PNPLA8: variants seen among roughly 807,000 people sequenced by gnomAD.
PNPLA8 encodes the protein calcium-independent phospholipase A2-gamma.
Under a neutral mutation model 76.9 loss-of-function variants are expected in PNPLA8, and 39 were observed. The ratio of observed to expected loss-of-function variants is 0.51; its 90% CI spans 0.39 to 0.66. The LOEUF (loss-of-function observed/expected upper bound fraction) is 0.66, where lower values mean the gene tolerates loss of function less well. Among genes scored for constraint, PNPLA8 ranks in the 30% least tolerant of loss-of-function variants. The pLI is 0.00. For missense variants in PNPLA8, 887 were observed against 918.0 expected (o/e 0.97, Z 0.44); for synonymous variants, 301 against 307.9 (o/e 0.98, Z 0.24).
upstream of PNPLA8, chr7:108,526,346 A>G (rs40897): frequency 0.5 from 43,228 of 85,810 alleles, 6,453 homozygotes; most frequent in African/African-American, 0.54. Flanking sequence ...GCCGCGACAG[A>G]CGTGTGTGCG....
rs774596302 is a variant in PNPLA8, at chr7:108,515,317, A to G, written c.175T>C (p.Trp59Arg). ...CAAGAATGTGCTTCACTTTTGGTCC[A>G]TTTACATCTTATTATGTTTGTATGA... is the stretch of plus-strand genomic sequence containing the variant. ...GFHTNIIRCK[W>R]TKSEAHSCSK... The change falls in exon 3 of 11, where the codon TGG (tryptophan) becomes CGG (arginine). Residue 59 changes from tryptophan to arginine, a missense_variant. Trp to Arg is a moderately radical substitution (Grantham distance 101). Coordinates refer to ENST00000257694, the MANE Select transcript of PNPLA8 (RefSeq NM_001256007.3). 4.8e-5 allele frequency: 78 copies of G among 1,613,256 alleles called. No homozygotes were observed. Among genetic ancestry groups the G allele is most frequent in the Middle Eastern group, 1.6e-4 (1 of 6,078 alleles).
Position 108,521,541 on chromosome 7 carries a change from AT to A in PNPLA8, c.-129-21del, listed in dbSNP as rs1437184342. The A allele has an allele frequency of 1.6e-6, 1 of 608,272 alleles. No individual in the cohort carries two copies. The highest frequency in any genetic ancestry group is 6.7e-5 in the Admixed American group (1 of 14,930). The allele number at this position is 608,272 out of a possible 1,614,324, so 37.7% of individuals were successfully genotyped here. ...GACAATCTATTGAGAAATAAAACAA[AT>A]AATAAACGTAATGTATAAAGTCAGC... On this transcript the variant is annotated intron_variant, in intron 1 of 10. Transcript: ENST00000257694.
intron 5 of PNPLA8, among the ~76,000 whole-genome samples, chr7:108,502,179 G>A (rs967752856): frequency 2.0e-5 from 3 of 150,540 alleles, no homozygotes; most frequent in South Asian, 2.1e-4. Flanking sequence ...GCAGTGGCTC[G>A]CGCCTGTAAT....
intron 2 of PNPLA8, among the ~76,000 whole-genome samples, chr7:108,519,658 C>T (rs1598977655): frequency 6.6e-6 from 1 of 152,084 alleles, no homozygotes; most frequent in Admixed American, 6.5e-5. Context: ...GCTGAAGGAG[C>T]CCAGGGAATT....
intron 9 of PNPLA8, 170 bp from the exon 10 acceptor site, chr7:108,479,549 A>G (rs749837999): frequency 1.6e-6 from 1 of 633,976 alleles, no homozygotes; most frequent in Non-Finnish European, 2.8e-6. Flanking sequence ...TGGTCTCATA[A>G]AGAAACTTTT....
chr7:108,496,135 T>C (rs1343966525), intron 7 of PNPLA8, among the ~76,000 whole-genome samples: 1 of 152,070 alleles, frequency 6.6e-6, no homozygotes, highest in Non-Finnish European at 1.5e-5. Flanking sequence ...CTTGGGAGGC[T>C]GACGTGGGAG....
At chr7:108,475,004 T>C (rs1319120747) in intron 10 of PNPLA8, among the ~76,000 whole-genome samples, 1 of 152,202 alleles carries the variant, frequency 6.6e-6, no homozygotes, top group African/African-American at 2.4e-5. Flanking sequence ...TCTCCATCGC[T>C]TGCATTACTG....
intron 10 of PNPLA8, 89 bp from the exon 11 acceptor site, chr7:108,472,764 TA>T: frequency 1.1e-6 from 1 of 910,392 alleles, no homozygotes; most frequent in Non-Finnish European, 1.6e-6. Context: ...TATTTAAAAT[TA>T]ACTTCTTTTT....
intron 8 of PNPLA8, among the ~76,000 whole-genome samples, chr7:108,490,208 C>CTA (rs1861044173): frequency 6.6e-6 from 1 of 152,072 alleles, no homozygotes; most frequent in African/African-American, 2.4e-5. Flanking sequence ...AGCCTAGGAA[C>CTA]TATAGGCTAT....
chr7:108,525,326 T>C (rs1375192639), intron 1 of PNPLA8, among the ~76,000 whole-genome samples: 2 of 152,240 alleles, frequency 1.3e-5, no homozygotes, highest in Admixed American at 6.5e-5. Context: ...AGGATACAAC[T>C]GTTTTGGAAT....
intron 4 of PNPLA8, among the ~76,000 whole-genome samples, chr7:108,502,996 C>T (rs191146742): frequency 2.6e-5 from 4 of 152,132 alleles, no homozygotes; most frequent in Admixed American, 6.6e-5. Context: ...GATTAAGAGG[C>T]TAAAACTGAT....
chr7:108,492,211 C>A (rs986954014), intron 7 of PNPLA8, among the ~76,000 whole-genome samples: 1 of 152,136 alleles, frequency 6.6e-6, no homozygotes, highest in Admixed American at 6.6e-5. Flanking sequence ...ACTCATGTTT[C>A]CCAACTAGAA....
chr7:108,520,333 A>G (rs1289006252), intron 2 of PNPLA8, among the ~76,000 whole-genome samples: 1 of 152,216 alleles, frequency 6.6e-6, no homozygotes, highest in African/African-American at 2.4e-5. Flanking sequence ...ACTTGTGGAT[A>G]AAAAGCCATG....
At position 108,472,638 on chromosome 7, in the gene PNPLA8, G is replaced by A; in HGVS notation, c.2112C>T (p.Asp704=). 1 of 1,596,226 alleles carries A rather than the reference G, an allele frequency of 6.3e-7. No homozygotes were observed. The highest frequency in any genetic ancestry group is 2.2e-5 in the East Asian group (1 of 44,734). The change falls in exon 11 of 11, where the codon GAC becomes GAT. Residue 704 remains aspartate, a synonymous_variant. Coordinates refer to ENST00000257694, the MANE Select transcript of PNPLA8 (RefSeq NM_001256007.3). ...HIMLDGLLPP[D]TYFRFNPVMC... ...TTACAGGATTGAATCTAAAATAGGT[G>A]TCAGGAGGTAACAGGCCATCAAGCA... is the stretch of plus-strand genomic sequence containing the variant.
rs1330426837 is a variant in PNPLA8 at position 108,471,821 on chromosome 7, T to C, written c.*580A>G. On this transcript the variant is annotated 3_prime_UTR_variant, in exon 11 of 11. Coordinates refer to ENST00000257694, the MANE Select transcript of PNPLA8 (RefSeq NM_001256007.3). Reference sequence around the variant, plus strand: ...CAAACAATGTTAAAATAAACATATCTGAATAGAAAACTGTATCTGGTTCTT... The same window carrying C: ...CAAACAATGTTAAAATAAACATATCCGAATAGAAAACTGTATCTGGTTCTT... 1 of 152,196 alleles carries C rather than the reference T, an allele frequency of 6.6e-6. No individual in the cohort carries two copies. The highest frequency in any genetic ancestry group is 1.5e-5 in the Non-Finnish European group (1 of 68,032). 9.4% of individuals were successfully genotyped at this position (152,196 alleles called of 1,614,324 possible).
chr7:108,511,040 G>GAAA (rs60102827), intron 4 of PNPLA8: 1,701 of 365,114 alleles, frequency 4.7e-3, no homozygotes, highest in South Asian at 1.0e-2. Context: ...TCTCAAATTG[G>GAAA]AAAAAAAAAA....
intron 4 of PNPLA8, among the ~76,000 whole-genome samples, chr7:108,505,331 TATATATATATATATATA>T (rs1862302489): frequency 4.1e-4 from 4 of 9,646 alleles, no homozygotes; most frequent in Admixed American, 1.2e-3. Context: ...TATATATATA[TATATATATATATATATA>T]TATATTTTTT....
chr7:108,511,012 T>C, intron 4 of PNPLA8: 1 of 1,153,664 alleles, frequency 8.7e-7, no homozygotes. Context: ...AGCTGGTTGG[T>C]TAATAAACAG....
rs1863199068 is a variant in PNPLA8, at chr7:108,514,856, A to G, written c.636T>C (p.Asn212=). 6.2e-7 allele frequency: 1 copy of G among 1,610,294 alleles called. No homozygotes were observed. The highest frequency in any genetic ancestry group is 8.5e-7 in the Non-Finnish European group (1 of 1,177,404). Reference sequence around the variant, plus strand: ...TTTTTTCCTTACGTTTGAAATATGAATTAATATGATTTGATAAAAAGTAGA... The same window carrying G: ...TTTTTTCCTTACGTTTGAAATATGAGTTAATATGATTTGATAAAAAGTAGA... ...DSFYFLSNHI[N]SYFKRKEKMS... is the part of the protein sequence containing the mutation. The change falls in exon 3 of 11, where the codon AAT becomes AAC. Residue 212 remains asparagine (N), a synonymous_variant. Coordinates refer to ENST00000257694, the MANE Select transcript of PNPLA8 (RefSeq NM_001256007.3).
Sources: gnomAD v4.1 joint callset for allele counts (sites outside exome capture counted in the v4.1 genomes callset) on GRCh38, gnomAD v4.1.1 for gene constraint, MANE v1.5 for transcripts, NCBI Gene and HGNC (gene_info 2026-07-23, HGNC 2026-07-21) for gene names.